The following FGF13 variants were observed in gnomAD, a reference collection of about 807,000 sequenced individuals.
FGF13 encodes fibroblast growth factor homologous factor 2.
Under a neutral mutation model 19.5 loss-of-function variants are expected in FGF13, and 2 were observed. That is an observed-to-expected ratio of 0.10 (90% CI 0.04 to 0.32). The LOEUF (loss-of-function observed/expected upper bound fraction) is 0.32. FGF13 is among the 10% of genes least tolerant of loss of function. The pLI is 1.00. For missense variants in FGF13, 113 were observed against 192.7 expected, an observed-to-expected ratio of 0.59 and a Z score of 2.45; for synonymous variants, 72 against 76.9, an observed-to-expected ratio of 0.94 and a Z score of 0.33.
At chrX:138,754,391 T>C (rs1286745015) in intron 3 of FGF13, among the ~76,000 whole-genome samples, 1 of 111,509 alleles carries the variant, frequency 9.0e-6, no homozygotes, top group Non-Finnish European at 1.9e-5. Flanking sequence ...GTCCATTTGA[T>C]TACCTTGACT....
intron 1 of FGF13, among the ~76,000 whole-genome samples, chrX:138,922,486 C>T (rs1036043744): frequency 9.0e-6 from 1 of 111,279 alleles, no homozygotes; most frequent in Non-Finnish European, 1.9e-5. Flanking sequence ...TAGCTTTAGT[C>T]ATCATCTTTA....
intron 1 of FGF13, among the ~76,000 whole-genome samples, chrX:139,013,248 T>C: frequency 9.1e-6 from 1 of 109,510 alleles, no homozygotes; most frequent in Admixed American, 9.9e-5. Flanking sequence ...TTGGAGGGAA[T>C]GTAAACTAGT....
intron 1 of FGF13, among the ~76,000 whole-genome samples, chrX:139,012,959 A>G (rs2092135919): frequency 9.0e-6 from 1 of 111,628 alleles, no homozygotes. Context: ...CCAACAAACA[A>G]CTACTATTCA....
intron 3 of FGF13, among the ~76,000 whole-genome samples, chrX:138,679,388 A>G (rs1569362222): frequency 9.0e-6 from 1 of 110,940 alleles, no homozygotes; most frequent in African/African-American, 3.3e-5. Flanking sequence ...CCCATACTCC[A>G]TTTTTTATTA....
intron 1 of FGF13, among the ~76,000 whole-genome samples, chrX:139,130,025 A>T (rs2083749340): frequency 8.9e-6 from 1 of 112,501 alleles, no homozygotes; most frequent in Admixed American, 9.4e-5. Context: ...GAACTGAATG[A>T]ATAGGGAACA....
intron 3 of FGF13, among the ~76,000 whole-genome samples, chrX:138,796,092 T>C (rs1401877256): frequency 3.6e-5 from 4 of 110,815 alleles, no homozygotes; most frequent in Non-Finnish European, 7.6e-5. Context: ...CTGGGATACA[T>C]GTGCTGAACA....
intron 1 of FGF13, among the ~76,000 whole-genome samples, chrX:139,122,494 A>T (rs907928836): frequency 1.8e-4 from 20 of 111,550 alleles, no homozygotes; most frequent in African/African-American, 5.9e-4. Flanking sequence ...CAAATCCAAT[A>T]GGCAATTCTC....
chrX:138,887,070 A>G (rs1335213202), intron 1 of FGF13, among the ~76,000 whole-genome samples: 2 of 111,721 alleles, frequency 1.8e-5, no homozygotes, highest in Admixed American at 9.5e-5. Context: ...TTGTGGCATC[A>G]GATTGAATGA....
intron 3 of FGF13, among the ~76,000 whole-genome samples, chrX:138,657,308 C>T (rs1383612514): frequency 2.7e-5 from 3 of 111,957 alleles, no homozygotes; most frequent in Admixed American, 9.5e-5. Flanking sequence ...ACACAACCCA[C>T]TAACTTAAGA....
chrX:138,770,166 A>G (rs2090534396), intron 3 of FGF13, among the ~76,000 whole-genome samples: 1 of 111,905 alleles, frequency 8.9e-6, no homozygotes, highest in Admixed American at 9.5e-5. Flanking sequence ...TTCATTTAAT[A>G]AAACATATAT....
At chrX:138,976,394 C>A (rs2091939823) in intron 1 of FGF13, among the ~76,000 whole-genome samples, 1 of 111,650 alleles carries the variant, frequency 9.0e-6, no homozygotes, top group African/African-American at 3.3e-5. Context: ...ATGTCTTTGG[C>A]AGCAACTTGG....
Position 139,013,479 on chromosome X carries a change from T to TTATTTA in FGF13, c.-112-148830_-112-148829insTAAATA, listed in dbSNP as rs2092138595. Among the ~76,000 whole-genome samples the TTATTTA allele has an allele frequency of 4.4e-4, 31 of 71,070 alleles. 1 individual carries two copies. Among genetic ancestry groups the TTATTTA allele is most frequent in the African/African-American group, 1.9e-3 (31 of 16,534 alleles). The allele number at this position is 71,070 out of a possible 115,157, so 61.7% of individuals were successfully genotyped here. On this transcript the variant is annotated intron_variant, in intron 1 of 2. Transcript: ENST00000421460. The stretch of plus-strand genomic sequence containing the variant: ...AATCAATGAATGGATAAAGAAAATT[T>TTATTTA]TATATATATATATATATATATATAT...
intron 3 of FGF13, among the ~76,000 whole-genome samples, chrX:138,773,821 A>G (rs1005818033): frequency 8.9e-6 from 1 of 112,500 alleles, no homozygotes; most frequent in Admixed American, 9.4e-5. Flanking sequence ...ACTATATGCC[A>G]GCAATGCAGC....
chrX:139,079,360 A>G (rs1359600230), intron 1 of FGF13, among the ~76,000 whole-genome samples: 2 of 109,684 alleles, frequency 1.8e-5, no homozygotes, highest in Non-Finnish European at 3.8e-5. Context: ...TATGGAGAAC[A>G]AGACAGTTGC....
chrX:138,686,254 A>G (rs2089781876), intron 3 of FGF13, among the ~76,000 whole-genome samples: 1 of 111,778 alleles, frequency 8.9e-6, no homozygotes, highest in African/African-American at 3.2e-5. Context: ...CTTATTTATA[A>G]TGTATGAAAG....
Position 138,626,024 on chromosome X carries a change from A to G in FGF13, c.*6826T>C, listed in dbSNP as rs1414898715. 2 of 111,272 alleles carry G rather than the reference A, an allele frequency of 1.8e-5. No individual in the cohort carries two copies. Among genetic ancestry groups the G allele is most frequent in the Non-Finnish European group, 3.8e-5 (2 of 53,171 alleles). The allele number at this position is 111,272 out of a possible 1,213,427, so 9.2% of individuals were successfully genotyped here. A position where few individuals can be genotyped will look rare whatever the true frequency, so the allele number is the denominator to read the frequency against. ...TATAGCCTAATAGGCAAGGTTGTGA[A>G]TCATACTTTGCTCAGAGTCTATTTT... On this transcript the variant is annotated 3_prime_UTR_variant, in exon 5 of 5. Coordinates refer to ENST00000315930, the MANE Select transcript of FGF13 (RefSeq NM_004114.5).
chrX:138,706,704 A>G (rs963694297), intron 2 of FGF13, among the ~76,000 whole-genome samples: 1 of 110,499 alleles, frequency 9.0e-6, no homozygotes. Flanking sequence ...GGTTTTAAGG[A>G]AAAAAAAAGA....
chrX:138,995,067 TGAA>T (rs1318558770), intron 1 of FGF13, among the ~76,000 whole-genome samples: 1 of 107,674 alleles, frequency 9.3e-6, no homozygotes, highest in African/African-American at 3.4e-5. Context: ...AAAGAGGCAA[TGAA>T]GAGGGCAGGA....
At chrX:139,099,028 C>A (rs2083489171) in intron 1 of FGF13, among the ~76,000 whole-genome samples, 1 of 111,394 alleles carries the variant, frequency 9.0e-6, no homozygotes. Flanking sequence ...TCCCTCTGTA[C>A]CCCTGCTAGG....
Sources: allele counts gnomAD v4.1 joint callset (sites outside exome capture counted in the v4.1 genomes callset), GRCh38; gene constraint gnomAD v4.1.1; transcripts MANE v1.5; gene names NCBI Gene and HGNC (gene_info 2026-07-23, HGNC 2026-07-21).